RAPGEF4: variants seen among roughly 807,000 people sequenced by gnomAD.
RAPGEF4 encodes Rap guanine nucleotide exchange factor 4, also known as RAP guanine-nucleotide-exchange factor (GEF) 4.
Under a neutral mutation model 147.9 loss-of-function variants are expected in RAPGEF4, and 66 were observed. That is an observed-to-expected ratio of 0.45 (90% CI 0.37 to 0.55). RAPGEF4 has a LOEUF of 0.55. Ranked by LOEUF, RAPGEF4 falls within the 20% of genes least tolerant of loss-of-function variation. The pLI is 0.00. For missense variants in RAPGEF4, 1,071 were observed against 1,257.3 expected (o/e 0.85, Z 2.24); for synonymous variants, 419 against 442.7 (o/e 0.95, Z 0.67).
intron 6 of RAPGEF4, 67 bp from the exon 7 acceptor site, chr2:172,960,693 C>A: frequency 1.8e-6 from 2 of 1,121,832 alleles, no homozygotes; most frequent in Non-Finnish European, 2.6e-6. Context: ...TATTATCCCC[C>A]AACCCATAAT....
chr2:172,983,248 C>G lies in RAPGEF4; in HGVS notation c.1005-248C>G, dbSNP rs531456324. On this transcript the variant is annotated intron_variant, in intron 10 of 30. Coordinates refer to ENST00000397081, the MANE Select transcript of RAPGEF4 (RefSeq NM_007023.4). The stretch of plus-strand genomic sequence containing the variant: ...CAACTACCATGTGAGTGGAGATGCT[C>G]TTCCCTCTGAGATCAGAAGAGAAGG... Among the ~76,000 whole-genome samples the G allele has an allele frequency of 3.1e-4, 47 of 152,312 alleles. 1 individual carries two copies. The highest frequency in any genetic ancestry group is 4.4e-5 in the Non-Finnish European group (3 of 68,026).
chr2:172,825,765 TA>T (rs1689604151), intron 4 of RAPGEF4, among the ~76,000 whole-genome samples: 1 of 152,186 alleles, frequency 6.6e-6, no homozygotes, highest in Admixed American at 6.5e-5. Flanking sequence ...TATTCATGAT[TA>T]AAAAAATTAA....
intron 4 of RAPGEF4, among the ~76,000 whole-genome samples, chr2:172,872,230 C>T (rs1158111626): frequency 2.0e-5 from 3 of 152,034 alleles, no homozygotes; most frequent in African/African-American, 7.2e-5. Flanking sequence ...TTTACTAGTT[C>T]TTTTAGCACT....
chr2:172,816,484 A>C (rs1688515579), intron 4 of RAPGEF4, among the ~76,000 whole-genome samples: 1 of 152,192 alleles, frequency 6.6e-6, no homozygotes, highest in Non-Finnish European at 1.5e-5. Flanking sequence ...TTTTGGCAAG[A>C]AAATGTGAAA....
intron 6 of RAPGEF4, among the ~76,000 whole-genome samples, chr2:172,941,168 T>C (rs1227067508): frequency 6.6e-6 from 1 of 152,168 alleles, no homozygotes; most frequent in East Asian, 1.9e-4. Context: ...ATTGATTTCT[T>C]CCTCCCAATC....
chr2:173,009,823 A>G (rs1694837849), intron 17 of RAPGEF4, among the ~76,000 whole-genome samples: 1 of 152,194 alleles, frequency 6.6e-6, no homozygotes, highest in South Asian at 2.1e-4. Context: ...GAAGGCTGTA[A>G]TAGTTAACTC....
intron 18 of RAPGEF4, 52 bp from the exon 19 acceptor site, chr2:173,016,289 GACAGAATC>G: frequency 8.2e-7 from 1 of 1,220,716 alleles, no homozygotes; most frequent in South Asian, 1.2e-5. Context: ...TATTGCTCTT[GACAGAATC>G]ATGTGCCTTT....
chr2:172,969,148 C>T (rs547542370), intron 10 of RAPGEF4, among the ~76,000 whole-genome samples: 3 of 152,304 alleles, frequency 2.0e-5, no homozygotes, highest in African/African-American at 7.2e-5. Flanking sequence ...GAACAATGCC[C>T]GTGTGGAGAA....
chr2:172,795,306 C>A, intron 2 of RAPGEF4, 139 bp downstream of exon 2: 1 of 844,278 alleles, frequency 1.2e-6, no homozygotes, highest in Non-Finnish European at 1.8e-6. Context: ...GGTGACATTT[C>A]CCTCTAGTCT....
intron 17 of RAPGEF4, among the ~76,000 whole-genome samples, chr2:173,002,763 T>G (rs1304765275): frequency 1.4e-4 from 22 of 152,038 alleles, no homozygotes; most frequent in Admixed American, 1.4e-3. Flanking sequence ...GAGATTTGAG[T>G]TGAAGGTGCA....
chr2:172,932,951 T>C (rs999862557), intron 6 of RAPGEF4, among the ~76,000 whole-genome samples: 1 of 152,210 alleles, frequency 6.6e-6, no homozygotes, highest in African/African-American at 2.4e-5. Context: ...ATTTTATAAA[T>C]TTCTGTACAA....
In RAPGEF4 at chr2:172,965,605, C is replaced by G. The variant is rs756037468; in HGVS notation, c.742C>G (p.Gln248Glu). 6.2e-7 allele frequency: 1 copy of G among 1,613,688 alleles called. No homozygotes were observed. Residue 248 changes from glutamine to glutamate, a missense_variant, in exon 9 of 31, where the codon CAG becomes GAG. Coordinates refer to ENST00000397081, the MANE Select transcript of RAPGEF4 (RefSeq NM_007023.4). ...GTELVDWMMQ[Q>E]TPCVHSRTQA... Reference sequence around the variant, plus strand: ...TGAACTGGTGGACTGGATGATGCAGCAGACACCATGTGTTCACTCCCGGAC... The same window carrying G: ...TGAACTGGTGGACTGGATGATGCAGGAGACACCATGTGTTCACTCCCGGAC...
chr2:172,746,977 AT>A (rs1013839048), intron 1 of RAPGEF4, among the ~76,000 whole-genome samples: 2 of 152,182 alleles, frequency 1.3e-5, no homozygotes, highest in Non-Finnish European at 1.5e-5. Context: ...TGGAGAAATA[AT>A]TTTTATAGGC....
intron 4 of RAPGEF4, among the ~76,000 whole-genome samples, chr2:172,900,744 A>T (rs535999997): frequency 6.6e-6 from 1 of 152,318 alleles, no homozygotes; most frequent in East Asian, 1.9e-4. Flanking sequence ...ATGTTTCCTT[A>T]GAGCAAGGAC....
intron 25 of RAPGEF4, among the ~76,000 whole-genome samples, chr2:173,028,603 AG>A (rs1176373365): frequency 6.6e-6 from 1 of 152,096 alleles, no homozygotes; most frequent in Non-Finnish European, 1.5e-5. Flanking sequence ...CCTTCTGTTT[AG>A]GTGAATGAGT....
At chr2:172,832,378 T>C (rs1275879701) in intron 4 of RAPGEF4, among the ~76,000 whole-genome samples, 1 of 152,162 alleles carries the variant, frequency 6.6e-6, no homozygotes, top group African/African-American at 2.4e-5. Flanking sequence ...ACTACATAAT[T>C]TGTGGGGCCC....
intron 4 of RAPGEF4, among the ~76,000 whole-genome samples, chr2:172,861,082 T>C (rs1178402484): frequency 6.6e-6 from 1 of 152,190 alleles, no homozygotes; most frequent in Admixed American, 6.5e-5. Context: ...AGACTATGAA[T>C]GGGTGGAACT....
intron 10 of RAPGEF4, among the ~76,000 whole-genome samples, chr2:172,972,608 C>T (rs1247368038): frequency 6.6e-6 from 1 of 152,142 alleles, no homozygotes; most frequent in Non-Finnish European, 1.5e-5. Flanking sequence ...TAAATGATTG[C>T]ATTAAGTAGG....
intron 6 of RAPGEF4, among the ~76,000 whole-genome samples, chr2:172,957,025 A>G (rs1688812523): frequency 1.3e-5 from 2 of 152,204 alleles, no homozygotes. Context: ...CCTGCAGTGG[A>G]GACACTGGAG....
Sources: allele counts gnomAD v4.1 joint callset (sites outside exome capture counted in the v4.1 genomes callset), GRCh38; gene constraint gnomAD v4.1.1; transcripts MANE v1.5; gene names NCBI Gene and HGNC (gene_info 2026-07-23, HGNC 2026-07-21).